The following RGS6 variants were observed in gnomAD, a reference collection of about 807,000 sequenced individuals.
RGS6 encodes regulator of G protein signaling 6, also known as regulator of G-protein signaling 6.
RGS6 carries 30 observed loss-of-function variants against 78.5 expected under a neutral mutation model. The ratio of observed to expected loss-of-function variants is 0.38; its 90% CI spans 0.29 to 0.52. The LOEUF (loss-of-function observed/expected upper bound fraction) is 0.52. RGS6 is among the 20% of genes least tolerant of loss of function. RGS6 has a pLI of 0.85. For synonymous variants in RGS6, 206 were observed against 206.0 expected (o/e 1.00, Z 0.00); for missense variants, 495 against 609.7 (o/e 0.81, Z 1.98).
chr14:72,589,514 C>T, the RGS6 span, among the ~76,000 whole-genome samples: 1 of 152,158 alleles, frequency 6.6e-6, no homozygotes, highest in Admixed American at 6.5e-5. Flanking sequence ...AGCACCACTG[C>T]ACTCCAACCT....
chr14:72,052,497 T>C (rs2093309947), intron 2 of RGS6, among the ~76,000 whole-genome samples: 1 of 152,212 alleles, frequency 6.6e-6, no homozygotes, highest in East Asian at 1.9e-4. Context: ...AGCCTCTTTC[T>C]GGATCTACTT....
chr14:71,888,365 C>A, the RGS6 span, among the ~76,000 whole-genome samples: 1 of 127,752 alleles, frequency 7.8e-6, no homozygotes, highest in East Asian at 2.0e-4. Context: ...TTGCAGTGAG[C>A]CGAGACCCTG....
At chr14:71,994,342 A>G (rs1033981675) in intron 2 of RGS6, among the ~76,000 whole-genome samples, 5 of 152,122 alleles carry the variant, frequency 3.3e-5, no homozygotes, top group African/African-American at 1.2e-4. Flanking sequence ...GGTTATTTAT[A>G]TTACTCTCAA....
At position 72,126,127 on chromosome 14, in the gene RGS6, T is replaced by TAG. The variant is rs1237496261; in HGVS notation, c.84+161254_84+161255dup. Among the ~76,000 whole-genome samples the TAG allele has an allele frequency of 2.0e-5, 3 of 152,220 alleles. No individual in the cohort carries two copies. In the East Asian group the frequency reaches 5.8e-4, roughly 29 times the overall value. ...ACAGTAAACAGATCCAGCTACTACT[T>TAG]AGATACTTTGAGAAGTTTAGGGTTG... On this transcript the variant is annotated intron_variant, in intron 2 of 17. Transcript: ENST00000553525.
chr14:72,378,023 C>T (rs151146711), intron 3 of RGS6, among the ~76,000 whole-genome samples: 49 of 151,988 alleles, frequency 3.2e-4, no homozygotes, highest in Non-Finnish European at 5.7e-4. Context: ...TTAATCTGAC[C>T]GCAATGGAAT....
At chr14:72,503,192 G>A (rs11844952) in intron 13 of RGS6, among the ~76,000 whole-genome samples, 26,852 of 151,898 alleles carry the variant, frequency 0.18, 2,791 homozygotes, top group African/African-American at 0.3. Context: ...CCCACTCCAC[G>A]TGACCTAATT....
the RGS6 span, chr14:72,629,606 G>A: frequency 3.9e-6 from 6 of 1,530,380 alleles, no homozygotes; most frequent in South Asian, 4.8e-5. Flanking sequence ...CCTCCCACAG[G>A]GAAAGCCCCA....
chr14:72,518,055 C>A (rs775045480), intron 14 of RGS6, among the ~76,000 whole-genome samples: 4 of 152,188 alleles, frequency 2.6e-5, no homozygotes, highest in Admixed American at 1.3e-4. Flanking sequence ...ATTATCCAGC[C>A]TGAAGTGGCA....
At chr14:72,231,927 T>G (rs2049734065) in intron 2 of RGS6, among the ~76,000 whole-genome samples, 1 of 152,056 alleles carries the variant, frequency 6.6e-6, no homozygotes, top group African/African-American at 2.4e-5. Context: ...GAGTTCATGC[T>G]GAGTGAGGTG....
chr14:72,597,437 C>A, the RGS6 span, among the ~76,000 whole-genome samples: 5 of 152,330 alleles, frequency 3.3e-5, no homozygotes, highest in African/African-American at 1.2e-4. Context: ...CTGGAAACCC[C>A]CAGGAGCCAG....
rs575837474 is a variant in RGS6, at chr14:72,201,584, G to T, written c.85-150511G>T. Among the ~76,000 whole-genome samples, 14 of 152,290 alleles carry T rather than the reference G, an allele frequency of 9.2e-5. No individual in the cohort carries two copies. In the Middle Eastern group the frequency reaches 0.01, roughly 111 times the overall value. On this transcript the variant is annotated intron_variant, in intron 2 of 17. Transcript: ENST00000553525. ...ATCTACAAGAATCTTAATTAAAGAA[G>T]TGAATTTGGGTATGTTCAAATTATA...
chr14:72,595,150 G>C, the RGS6 span: 3 of 152,122 alleles, frequency 2.0e-5, no homozygotes, highest in South Asian at 6.2e-4. Context: ...AGATACGGAA[G>C]AGTGGTAAAC....
At chr14:72,132,584 T>G (rs1451007054) in intron 2 of RGS6, among the ~76,000 whole-genome samples, 1 of 152,132 alleles carries the variant, frequency 6.6e-6, no homozygotes, top group African/African-American at 2.4e-5. Context: ...TGGCCCCATT[T>G]TATATACATG....
intron 3 of RGS6, among the ~76,000 whole-genome samples, chr14:72,449,028 A>G (rs935449648): frequency 1.3e-5 from 2 of 152,188 alleles, no homozygotes; most frequent in African/African-American, 4.8e-5. Context: ...CCGCCTTCAT[A>G]AGCATTGGCC....
intron 3 of RGS6, among the ~76,000 whole-genome samples, chr14:72,359,161 A>C (rs540616692): frequency 1.6e-4 from 24 of 152,186 alleles, no homozygotes; most frequent in Non-Finnish European, 2.9e-4. Flanking sequence ...CTGTCAATTA[A>C]ACCTCTTTTC....
the RGS6 span, among the ~76,000 whole-genome samples, chr14:71,890,047 C>A: frequency 5.9e-5 from 9 of 152,044 alleles, no homozygotes; most frequent in African/African-American, 1.9e-4. Context: ...TCTCTGAGGC[C>A]CCCCCAGAAG....
rs71109739 is a variant in RGS6, at chr14:72,549,246, G to GTT, written c.1422+9162_1422+9163dup. Among the ~76,000 whole-genome samples, 143 of 146,472 alleles carry GTT rather than the reference G, an allele frequency of 9.8e-4. 1 individual carries two copies. The highest frequency in any genetic ancestry group is 3.7e-3 in the South Asian group (17 of 4,634). On this transcript the variant is annotated intron_variant, in intron 17 of 17. Transcript: ENST00000553525. Reference sequence around the variant, plus strand: ...ATCCTTGCCTTCTTTTCTGTTTTTTGTTTTTTTTTTTGGCATTTGCTGCCG... The same window carrying GTT: ...ATCCTTGCCTTCTTTTCTGTTTTTTGTTTTTTTTTTTTTGGCATTTGCTGCCG...
intron 2 of RGS6, among the ~76,000 whole-genome samples, chr14:72,005,458 T>TATCTATCTATCTATCTATCC (rs2084356673): frequency 6.6e-6 from 1 of 151,302 alleles, no homozygotes; most frequent in Non-Finnish European, 1.5e-5. Flanking sequence ...TCTATCTATC[T>TATCTATCTATCTATCTATCC]ATCTATCTAT....
chr14:72,146,893 A>G (rs1460043039), intron 2 of RGS6, among the ~76,000 whole-genome samples: 2 of 152,208 alleles, frequency 1.3e-5, no homozygotes, highest in Admixed American at 6.5e-5. Flanking sequence ...GGCATTTGCT[A>G]CTTAGCCTAG....
Sources: gnomAD v4.1 joint callset for allele counts (sites outside exome capture counted in the v4.1 genomes callset) on GRCh38, gnomAD v4.1.1 for gene constraint, MANE v1.5 for transcripts, NCBI Gene and HGNC (gene_info 2026-07-23, HGNC 2026-07-21) for gene names.